LOC122539214: variants seen among roughly 807,000 people sequenced by gnomAD.
chr19:52,683,075 T>C, the LOC122539214 span, among the ~76,000 whole-genome samples: 3 of 80,192 alleles, frequency 3.7e-5, no homozygotes, highest in Admixed American at 2.8e-4. Flanking sequence ...TTCACCATGT[T>C]GGCCAGCTGC....
chr19:52,671,984 G>A, the LOC122539214 span, among the ~76,000 whole-genome samples: 1 of 152,142 alleles, frequency 6.6e-6, no homozygotes, highest in Non-Finnish European at 1.5e-5. Flanking sequence ...TGTAATCCCA[G>A]CACTTTGGGA....
the LOC122539214 span, chr19:52,655,358 T>C: frequency 2.0e-6 from 1 of 502,898 alleles, no homozygotes; most frequent in Non-Finnish European, 3.5e-6. Flanking sequence ...TGTTCATGAA[T>C]GTTCTGTTTT....
At chr19:52,689,966 G>A in the LOC122539214 span, among the ~76,000 whole-genome samples, 1 of 152,198 alleles carries the variant, frequency 6.6e-6, no homozygotes, top group African/African-American at 2.4e-5. Context: ...CCCGGCACGA[G>A]GAGGGAGGTG....
the LOC122539214 span, among the ~76,000 whole-genome samples, chr19:52,670,972 G>T: frequency 6.6e-6 from 1 of 152,170 alleles, no homozygotes; most frequent in African/African-American, 2.4e-5. Flanking sequence ...AATAGATGAT[G>T]AATGTTTTTT....
chr19:52,674,015 C>CAAAAAAAAAA, the LOC122539214 span, among the ~76,000 whole-genome samples: 1 of 73,042 alleles, frequency 1.4e-5, no homozygotes, highest in African/African-American at 5.2e-5. Context: ...GACTCCATCT[C>CAAAAAAAAAA]AAAAAAAAAA....
chr19:52,680,778 A>C, the LOC122539214 span, among the ~76,000 whole-genome samples: 2 of 145,888 alleles, frequency 1.4e-5, no homozygotes, highest in Non-Finnish European at 3.0e-5. Context: ...ACGCCCGGCT[A>C]ATTTTTTGTA....
the LOC122539214 span, chr19:52,652,987 T>TC: frequency 3.0e-6 from 4 of 1,355,532 alleles, no homozygotes; most frequent in East Asian, 9.4e-5. Context: ...GTAAGGTTTC[T>TC]CTCCAGTATG....
At chr19:52,665,157 C>A in the LOC122539214 span, among the ~76,000 whole-genome samples, 4 of 152,216 alleles carry the variant, frequency 2.6e-5, no homozygotes, top group Middle Eastern at 6.8e-3. Flanking sequence ...TGGGAGAGTC[C>A]ACCCTGTGCT....
chr19:52,689,784 A>G, the LOC122539214 span, among the ~76,000 whole-genome samples: 162 of 151,876 alleles, frequency 1.1e-3, 1 homozygote, highest in East Asian at 4.8e-3. Context: ...GGCCCACACA[A>G]TCACAGGAGG....
the LOC122539214 span, among the ~76,000 whole-genome samples, chr19:52,677,552 T>TA: frequency 6.6e-6 from 1 of 151,752 alleles, no homozygotes; most frequent in Non-Finnish European, 1.5e-5. Context: ...AAAGCAGTTT[T>TA]ACGTCTCTTA....
At chr19:52,666,857 G>A in the LOC122539214 span, among the ~76,000 whole-genome samples, 1 of 152,154 alleles carries the variant, frequency 6.6e-6, no homozygotes, top group Non-Finnish European at 1.5e-5. Flanking sequence ...AGGTGACTGA[G>A]GGAAAAAGAC....
At chr19:52,683,522 A>AGG in the LOC122539214 span, among the ~76,000 whole-genome samples, 1 of 84,224 alleles carries the variant, frequency 1.2e-5, no homozygotes, top group Non-Finnish European at 2.3e-5. Flanking sequence ...AAGGGAATCC[A>AGG]AAGGGAAGGG....
At chr19:52,668,381 GTCTA>G in the LOC122539214 span, among the ~76,000 whole-genome samples, 1 of 152,164 alleles carries the variant, frequency 6.6e-6, no homozygotes, top group Admixed American at 6.6e-5. Context: ...GGAAAGCTTA[GTCTA>G]TCTATCTTTT....
chr19:52,663,117 C>T, the LOC122539214 span, among the ~76,000 whole-genome samples: 1 of 151,720 alleles, frequency 6.6e-6, no homozygotes, highest in East Asian at 1.9e-4. Flanking sequence ...GAGCCAAGAT[C>T]GTATCACTGC....
At chr19:52,651,899 C>T in the LOC122539214 span, 1 of 171,070 alleles carries the variant, frequency 5.8e-6, no homozygotes, top group East Asian at 1.9e-4. Flanking sequence ...CTTTTTATGT[C>T]AATTAATGCT....
At chr19:52,669,072 T>G in the LOC122539214 span, among the ~76,000 whole-genome samples, 1 of 152,184 alleles carries the variant, frequency 6.6e-6, no homozygotes, top group Admixed American at 6.5e-5. Context: ...AATCAGCCAC[T>G]CTTTATTCAT....
At chr19:52,669,725 C>T in the LOC122539214 span, among the ~76,000 whole-genome samples, 1 of 152,110 alleles carries the variant, frequency 6.6e-6, no homozygotes, top group African/African-American at 2.4e-5. Context: ...GAATAGTAGC[C>T]TCAATTCTTA....
the LOC122539214 span, among the ~76,000 whole-genome samples, chr19:52,666,765 A>G: frequency 1.3e-5 from 2 of 152,192 alleles, no homozygotes; most frequent in Admixed American, 1.3e-4. Context: ...AGGGGGTCTA[A>G]ATCTTAATTA....
the LOC122539214 span, among the ~76,000 whole-genome samples, chr19:52,681,230 T>C: frequency 7.6e-6 from 1 of 131,140 alleles, no homozygotes; most frequent in Non-Finnish European, 1.6e-5. Context: ...CTGCAGTGAG[T>C]TGAGATCACA....
Sources: allele counts gnomAD v4.1 joint callset (sites outside exome capture counted in the v4.1 genomes callset), GRCh38; gene constraint gnomAD v4.1.1; transcripts MANE v1.5.